ADGRV1: variants seen among roughly 807,000 people sequenced by gnomAD.
ADGRV1 encodes adhesion G protein-coupled receptor V1.
ADGRV1 carries 359 observed loss-of-function variants against 596.2 expected under a neutral mutation model. That is an observed-to-expected ratio of 0.60 (90% CI 0.55 to 0.66). The LOEUF is 0.66. ADGRV1 is among the 30% of genes least tolerant of loss of function. The probability of loss-of-function intolerance (pLI) is 0.00; values close to 1 mark genes in which losing one functional copy is unlikely to be tolerated. For missense variants in ADGRV1, 7,274 were observed against 7,575.6 expected (o/e 0.96, Z 1.48); for synonymous variants, 2,681 against 2,679.2 (o/e 1.00, Z -0.02).
chr5:90,886,796 C>T (rs1283366254), intron 83 of ADGRV1, among the ~76,000 whole-genome samples: 3 of 152,188 alleles, frequency 2.0e-5, no homozygotes, highest in Non-Finnish European at 4.4e-5. Context: ...GTTTCTCAAG[C>T]ATTATTCTTT....
intron 69 of ADGRV1, among the ~76,000 whole-genome samples, chr5:90,790,132 T>C (rs1292480400): frequency 6.6e-6 from 1 of 152,216 alleles, no homozygotes; most frequent in Non-Finnish European, 1.5e-5. Flanking sequence ...TATTGTTTGC[T>C]ATAATGTGAA....
chr5:90,631,505 C>T (rs1293624661), intron 9 of ADGRV1, among the ~76,000 whole-genome samples: 3 of 151,224 alleles, frequency 2.0e-5, no homozygotes, highest in Admixed American at 2.0e-4. Context: ...TTCCCCAGAG[C>T]CCTACACTAA....
chr5:90,959,231 A>G (rs2150941889), intron 83 of ADGRV1, among the ~76,000 whole-genome samples: 1 of 152,292 alleles, frequency 6.6e-6, no homozygotes, highest in African/African-American at 2.4e-5. Context: ...TTTAATAAAA[A>G]TATCAATTAC....
At chr5:90,605,583 T>C (rs1228160854) in intron 1 of ADGRV1, among the ~76,000 whole-genome samples, 4 of 152,152 alleles carry the variant, frequency 2.6e-5, no homozygotes, top group African/African-American at 9.7e-5. Flanking sequence ...GTATGTACCA[T>C]GGCAATTTGT....
chr5:90,724,752 T>G, intron 45 of ADGRV1, 80 bp from the exon 46 acceptor site: 1 of 1,287,364 alleles, frequency 7.8e-7, no homozygotes, highest in Non-Finnish European at 1.1e-6. Context: ...TGCACTTGTC[T>G]CATTGTTTAA....
At chr5:90,939,598 T>C (rs1776001519) in intron 83 of ADGRV1, among the ~76,000 whole-genome samples, 1 of 152,198 alleles carries the variant, frequency 6.6e-6, no homozygotes, top group Admixed American at 6.5e-5. Context: ...TGAAAGCAAA[T>C]GGGAAAAAAT....
intron 79 of ADGRV1, among the ~76,000 whole-genome samples, chr5:90,851,130 T>A (rs1027391031): frequency 7.5e-5 from 6 of 79,810 alleles, no homozygotes; most frequent in South Asian, 4.8e-4. Context: ...TGTGTGTGTG[T>A]GTGTGAGAGA....
chr5:90,960,081 G>A (rs1451404390), intron 83 of ADGRV1, among the ~76,000 whole-genome samples: 3 of 150,944 alleles, frequency 2.0e-5, no homozygotes, highest in African/African-American at 4.9e-5. Context: ...GGAGCTTGCA[G>A]TGAGCCGAGA....
chr5:90,766,115 T>C (rs1181552969), intron 59 of ADGRV1, among the ~76,000 whole-genome samples: 1 of 152,084 alleles, frequency 6.6e-6, no homozygotes, highest in Non-Finnish European at 1.5e-5. Context: ...TTCACTGTGT[T>C]AGCCAGGATG....
chr5:90,646,530 A>G (rs1284791478), intron 16 of ADGRV1, among the ~76,000 whole-genome samples: 1 of 152,082 alleles, frequency 6.6e-6, no homozygotes, highest in Non-Finnish European at 1.5e-5. Flanking sequence ...GCCATACACT[A>G]TAATAACTAA....
rs925314384 is a variant in ADGRV1 at position 91,022,024 on chromosome 5, G to A, written c.18152+36502G>A. On this transcript the variant is annotated intron_variant, in intron 85 of 89. Transcript: ENST00000405460. ...AGCGGCAATCGAGAGTATCAATATA[G>A]TGACACAGATTCTAAAATCATACAA... Among the ~76,000 whole-genome samples the A allele has an allele frequency of 2.2e-4, 33 of 152,106 alleles. 1 individual carries two copies. The highest frequency in any genetic ancestry group is 2.6e-4 in the Admixed American group (4 of 15,240).
intron 43 of ADGRV1, among the ~76,000 whole-genome samples, chr5:90,718,740 T>C (rs1293123561): frequency 1.3e-5 from 2 of 151,988 alleles, no homozygotes. Context: ...ATTAATTTTC[T>C]ATTGCTTTAT....
chr5:90,759,378 CTCTT>C (rs776108146), intron 57 of ADGRV1, 27 bp from the exon 58 acceptor site: 91 of 1,430,670 alleles, frequency 6.4e-5, no homozygotes, highest in Non-Finnish European at 8.6e-5. Context: ...TTTCCTCCCT[CTCTT>C]TCTCCCTTCC....
In ADGRV1 at chr5:90,692,789, A is replaced by G. The variant is rs911015463; in HGVS notation, c.7133+3A>G. The G allele has an allele frequency of 4.4e-6, 7 of 1,580,706 alleles. No individual in the cohort carries two copies. The highest frequency in any genetic ancestry group is 6.0e-6 in the Non-Finnish European group (7 of 1,164,468). On this transcript the variant is annotated splice_donor_region_variant and intron_variant, in intron 32 of 89. Coordinates refer to ENST00000405460, the MANE Select transcript of ADGRV1 (RefSeq NM_032119.4). ...GCTAATATAACTGTCAGGCGAAGGTATATGAGATAGCTACTTGCCTCTGTG... is the reference window on the plus strand; with the variant it reads ...GCTAATATAACTGTCAGGCGAAGGTGTATGAGATAGCTACTTGCCTCTGTG...
chr5:90,819,375 T>C (rs1763243630), intron 75 of ADGRV1, among the ~76,000 whole-genome samples: 1 of 151,744 alleles, frequency 6.6e-6, no homozygotes. Flanking sequence ...AGCTCCTGGA[T>C]TCATTAATTT....
Position 91,150,009 on chromosome 5 carries a change from CTTTTTTTT to C in ADGRV1, c.18433-12_18433-5del, listed in dbSNP as rs35858094. ...GTTCTTTTTCTTTTTCTTTTCTTTT[CTTTTTTTT>C]TTTTTTTTGCAGGGACTTTATGTTT... On this transcript the variant is annotated splice_polypyrimidine_tract_variant and intron_variant, in intron 87 of 89. Transcript: ENST00000405460. 4 of 1,288,830 alleles carry C rather than the reference CTTTTTTTT, an allele frequency of 3.1e-6. No homozygotes were observed. The highest frequency in any genetic ancestry group is 4.1e-6 in the Non-Finnish European group (4 of 973,832). The allele number at this position is 1,288,830 out of a possible 1,614,324, so 79.8% of individuals were successfully genotyped here.
At chr5:90,569,502 T>G (rs78481697) in intron 1 of ADGRV1, among the ~76,000 whole-genome samples, 2,163 of 147,080 alleles carry the variant, frequency 0.015, 45 homozygotes, top group African/African-American at 0.05. Context: ...TTTTTCCAAT[T>G]CATTCTAATG....
chr5:91,152,479 C>CA (rs141532123), intron 88 of ADGRV1, among the ~76,000 whole-genome samples: 2,441 of 151,436 alleles, frequency 0.016, 74 homozygotes, highest in African/African-American at 0.057. Context: ...TACATCTTAC[C>CA]AAAAAAAAGT....
At chr5:90,943,854 C>T (rs1199228478) in intron 83 of ADGRV1, among the ~76,000 whole-genome samples, 1 of 152,094 alleles carries the variant, frequency 6.6e-6, no homozygotes, top group Non-Finnish European at 1.5e-5. Flanking sequence ...TTAGAACCCA[C>T]CTCACTTCTG....
Sources: gnomAD v4.1 joint callset for allele counts (sites outside exome capture counted in the v4.1 genomes callset) on GRCh38, gnomAD v4.1.1 for gene constraint, MANE v1.5 for transcripts, NCBI Gene and HGNC (gene_info 2026-07-23, HGNC 2026-07-21) for gene names.